Variants in DLGAP2 observed in about 807,000 individuals in gnomAD.
DLGAP2 encodes the protein disks large-associated protein 2.
DLGAP2 carries 26 observed loss-of-function variants against 100.3 expected under a neutral mutation model. The observed-to-expected ratio is 0.26, with a 90% CI of 0.19 to 0.36. The LOEUF (loss-of-function observed/expected upper bound fraction) is 0.36, where lower values mean the gene tolerates loss of function less well. Among genes scored for constraint, DLGAP2 ranks in the 10% least tolerant of loss-of-function variants. DLGAP2 has a pLI of 1.00. For missense variants in DLGAP2, 1,858 were observed against 1,453.2 expected (o/e 1.28, Z -4.53); for synonymous variants, 886 against 630.1 (o/e 1.41, Z -6.08).
chr8:762,587 A>C (rs1821113810), intron 1 of DLGAP2, among the ~76,000 whole-genome samples: 1 of 152,052 alleles, frequency 6.6e-6, no homozygotes, highest in Admixed American at 6.5e-5. Flanking sequence ...TCTGCTTGCC[A>C]CCTGGGCAGC....
chr8:1,293,385 G>T (rs190766157), intron 3 of DLGAP2, among the ~76,000 whole-genome samples: 11 of 149,980 alleles, frequency 7.3e-5, no homozygotes, highest in Admixed American at 4.6e-4. Context: ...GGACGGCTGA[G>T]CCATGGCTCC....
intron 1 of DLGAP2, among the ~76,000 whole-genome samples, chr8:800,720 G>T (rs1368566442): frequency 6.6e-6 from 1 of 152,002 alleles, no homozygotes; most frequent in African/African-American, 2.4e-5. Context: ...GTGTGTCCAT[G>T]GGTGTTTGTG....
chr8:1,214,405 G>C (rs558073466), intron 2 of DLGAP2, among the ~76,000 whole-genome samples: 3 of 152,324 alleles, frequency 2.0e-5, no homozygotes, highest in African/African-American at 4.8e-5. Context: ...AGGGCATCTC[G>C]TAGATTGGGA....
intron 4 of DLGAP2, among the ~76,000 whole-genome samples, chr8:1,531,641 G>C (rs539452625): frequency 1.3e-5 from 2 of 152,252 alleles, no homozygotes; most frequent in East Asian, 3.9e-4. Flanking sequence ...TGTTTAGGAT[G>C]TATATTTCCT....
chr8:1,480,362 C>G (rs1799057723), intron 3 of DLGAP2, among the ~76,000 whole-genome samples: 1 of 152,166 alleles, frequency 6.6e-6, no homozygotes, highest in Non-Finnish European at 1.5e-5. Flanking sequence ...CTGACTCTGT[C>G]TTTCTTCCTA....
At chr8:1,076,926 G>A (rs1322049962) in intron 2 of DLGAP2, among the ~76,000 whole-genome samples, 2 of 146,466 alleles carry the variant, frequency 1.4e-5, no homozygotes, top group Non-Finnish European at 3.0e-5. Context: ...CCAAGAGGAG[G>A]AGGAGGAGTC....
chr8:1,483,281 C>T (rs952303079), intron 3 of DLGAP2, among the ~76,000 whole-genome samples: 2 of 152,200 alleles, frequency 1.3e-5, no homozygotes, highest in African/African-American at 2.4e-5. Flanking sequence ...AAATGCGTCC[C>T]TCTAGACTCT....
intron 1 of DLGAP2, among the ~76,000 whole-genome samples, chr8:846,827 G>A (rs1585925857): frequency 6.6e-6 from 1 of 152,098 alleles, no homozygotes; most frequent in Admixed American, 6.5e-5. Context: ...TCTCACTGTA[G>A]TTCTGGTTTG....
chr8:1,182,499 G>A (rs1797411741), intron 2 of DLGAP2, among the ~76,000 whole-genome samples: 1 of 152,224 alleles, frequency 6.6e-6, no homozygotes, highest in Non-Finnish European at 1.5e-5. Context: ...TGTGTCACTA[G>A]GAAATGAGCG....
intron 2 of DLGAP2, among the ~76,000 whole-genome samples, chr8:952,325 C>T (rs1009127109): frequency 6.6e-6 from 1 of 152,182 alleles, no homozygotes; most frequent in Non-Finnish European, 1.5e-5. Context: ...GTTTATGTCT[C>T]TTGATGTTTA....
chr8:1,244,149 C>T (rs1269036492), intron 2 of DLGAP2, among the ~76,000 whole-genome samples: 1 of 152,230 alleles, frequency 6.6e-6, no homozygotes, highest in Admixed American at 6.5e-5. Flanking sequence ...GGCTCCTGTA[C>T]ATGCCAGAGG....
chr8:1,363,646 C>A (rs1802037094), intron 3 of DLGAP2, among the ~76,000 whole-genome samples: 1 of 152,188 alleles, frequency 6.6e-6, no homozygotes, highest in Admixed American at 6.5e-5. Flanking sequence ...TGTCTTCTGG[C>A]CCTCTTGACC....
At chr8:1,234,399 C>T (rs1308337188) in intron 2 of DLGAP2, among the ~76,000 whole-genome samples, 1 of 152,166 alleles carries the variant, frequency 6.6e-6, no homozygotes, top group Non-Finnish European at 1.5e-5. Context: ...GTGGCATCAC[C>T]CCGATCCTCA....
At chr8:1,240,068 ATCTCACATGGTGCCGTTTCTAGTTC>A (rs1798752039) in intron 2 of DLGAP2, among the ~76,000 whole-genome samples, 2 of 67,626 alleles carry the variant, frequency 3.0e-5, no homozygotes, top group African/African-American at 1.1e-4. Context: ...GTGTCTAGTT[ATCTCACATGGTGCCGTTTCTAGTTC>A]TCTCACATGG....
chr8:1,250,026 G>T (rs978447305), intron 2 of DLGAP2, among the ~76,000 whole-genome samples: 2 of 152,108 alleles, frequency 1.3e-5, no homozygotes, highest in Admixed American at 6.6e-5. Flanking sequence ...GACTACAGGT[G>T]CATGCTGCCA....
chr8:1,363,383 C>T (rs1802030656), intron 3 of DLGAP2, among the ~76,000 whole-genome samples: 1 of 152,044 alleles, frequency 6.6e-6, no homozygotes, highest in Admixed American at 6.6e-5. Context: ...CGTGGCACAC[C>T]TGCGGCTGCC....
chr8:1,191,234 C>G (rs527765406), intron 2 of DLGAP2, among the ~76,000 whole-genome samples: 18 of 71,612 alleles, frequency 2.5e-4, no homozygotes, highest in African/African-American at 3.4e-4. Context: ...TACAGTGGCG[C>G]GATCTCGGCT....
intron 2 of DLGAP2, among the ~76,000 whole-genome samples, chr8:1,153,677 C>A (rs1796733928): frequency 6.6e-6 from 1 of 152,164 alleles, no homozygotes; most frequent in African/African-American, 2.4e-5. Flanking sequence ...AGAACTAATT[C>A]ATCAAAACTA....
intron 6 of DLGAP2, among the ~76,000 whole-genome samples, chr8:1,589,293 A>G (rs531484218): frequency 2.6e-5 from 4 of 152,388 alleles, no homozygotes; most frequent in South Asian, 2.1e-4. Flanking sequence ...AAAACAAATT[A>G]TCCTTGTATT....
Sources: allele counts gnomAD v4.1 joint callset (sites outside exome capture counted in the v4.1 genomes callset), GRCh38; gene constraint gnomAD v4.1.1; transcripts MANE v1.5; gene names NCBI Gene and HGNC (gene_info 2026-07-23, HGNC 2026-07-21).